Variants in NUMB observed in about 807,000 individuals in gnomAD.
NUMB encodes NUMB endocytic adaptor protein, also known as protein numb homolog.
Under a neutral mutation model 59.7 loss-of-function variants are expected in NUMB, and 29 were observed. The observed-to-expected ratio is 0.49, with a 90% CI of 0.36 to 0.66. The LOEUF is 0.66. NUMB is among the 30% of genes least tolerant of loss of function. The pLI, the probability that NUMB is intolerant of heterozygous loss-of-function variation, is 0.00. For missense variants in NUMB, 723 were observed against 822.0 expected, an observed-to-expected ratio of 0.88 and a Z score of 1.47; for synonymous variants, 288 against 288.2, an observed-to-expected ratio of 1.00 and a Z score of 0.01.
chr14:73,431,627 T>G (rs1897834380), intron 1 of NUMB, among the ~76,000 whole-genome samples: 1 of 151,054 alleles, frequency 6.6e-6, no homozygotes, highest in Non-Finnish European at 1.5e-5. Context: ...CATGTGCATG[T>G]AATCCCAGCT....
At chr14:73,299,699 C>T (rs1890020683) in intron 6 of NUMB, among the ~76,000 whole-genome samples, 2 of 151,606 alleles carry the variant, frequency 1.3e-5, no homozygotes, top group South Asian at 2.1e-4. Flanking sequence ...TAGAATGGGT[C>T]GAGAAGTAAA....
chr14:73,370,950 C>T (rs1894643756), intron 2 of NUMB, among the ~76,000 whole-genome samples: 1 of 152,046 alleles, frequency 6.6e-6, no homozygotes, highest in Non-Finnish European at 1.5e-5. Context: ...ATCTGATTTG[C>T]TTTATCATTC....
chr14:73,310,502 C>T (rs1406923486), intron 6 of NUMB, among the ~76,000 whole-genome samples: 1 of 152,130 alleles, frequency 6.6e-6, no homozygotes, highest in African/African-American at 2.4e-5. Flanking sequence ...TTAAGGCATA[C>T]CCGAGGAAAG....
chr14:73,446,449 A>G (rs1883511946), intron 1 of NUMB, among the ~76,000 whole-genome samples: 1 of 152,106 alleles, frequency 6.6e-6, no homozygotes, highest in Admixed American at 6.5e-5. Flanking sequence ...CTACTAAAAA[A>G]TACAAAAATT....
chr14:73,357,400 C>CAA (rs199955256), intron 3 of NUMB, among the ~76,000 whole-genome samples: 251 of 133,636 alleles, frequency 1.9e-3, no homozygotes, highest in Middle Eastern at 4.2e-3. Flanking sequence ...GAAACTCTGT[C>CAA]AAAAAAAAAA....
At chr14:73,352,043 A>G (rs990112570) in intron 4 of NUMB, among the ~76,000 whole-genome samples, 3 of 152,080 alleles carry the variant, frequency 2.0e-5, no homozygotes, top group Non-Finnish European at 1.5e-5. Context: ...ATTTTATGTT[A>G]TATGTACTCT....
At chr14:73,455,836 G>C (rs1884330765) in intron 1 of NUMB, among the ~76,000 whole-genome samples, 1 of 152,122 alleles carries the variant, frequency 6.6e-6, no homozygotes, top group Non-Finnish European at 1.5e-5. Flanking sequence ...ATATGTCTGT[G>C]TATACTCAGG....
chr14:73,309,918 A>AT (rs1275895766), intron 6 of NUMB, among the ~76,000 whole-genome samples: 1 of 152,074 alleles, frequency 6.6e-6, no homozygotes, highest in Admixed American at 6.6e-5. Flanking sequence ...TTAAAACAAC[A>AT]TAACAACATA....
chr14:73,340,352 A>G (rs1053767395), intron 4 of NUMB, among the ~76,000 whole-genome samples: 1 of 152,270 alleles, frequency 6.6e-6, no homozygotes, highest in Middle Eastern at 3.4e-3. Flanking sequence ...CTGATGCCCA[A>G]AAACCAACCC....
At chr14:73,424,211 G>A (rs987302536) in intron 1 of NUMB, among the ~76,000 whole-genome samples, 2 of 151,916 alleles carry the variant, frequency 1.3e-5, no homozygotes, top group African/African-American at 4.8e-5. Context: ...AAATAAAAAA[G>A]AAGAAACATT....
chr14:73,314,823 T>C (rs145049646), intron 6 of NUMB, among the ~76,000 whole-genome samples: 1 of 152,172 alleles, frequency 6.6e-6, no homozygotes, highest in East Asian at 1.9e-4. Flanking sequence ...CGATGTGTAA[T>C]TGCTTTCGGA....
chr14:73,433,072 T>C (rs1022219670), intron 1 of NUMB, among the ~76,000 whole-genome samples: 3 of 151,530 alleles, frequency 2.0e-5, no homozygotes, highest in African/African-American at 7.3e-5. Context: ...CAGGGCATGA[T>C]GGCACACGCC....
At chr14:73,291,935 C>T (rs777195172) in intron 8 of NUMB, among the ~76,000 whole-genome samples, 4 of 152,138 alleles carry the variant, frequency 2.6e-5, no homozygotes, top group Non-Finnish European at 4.4e-5. Flanking sequence ...CCGCCTGCCT[C>T]GGCCTCCTAA....
chr14:73,323,355 A>G, intron 4 of NUMB, 151 bp from the exon 5 acceptor site: 1 of 529,694 alleles, frequency 1.9e-6, no homozygotes, highest in South Asian at 2.6e-5. Context: ...AGCATGTTGG[A>G]TAAGAGACAC....
At chr14:73,376,444 T>C (rs1458707120) in intron 2 of NUMB, among the ~76,000 whole-genome samples, 1 of 151,828 alleles carries the variant, frequency 6.6e-6, no homozygotes, top group Non-Finnish European at 1.5e-5. Context: ...CTCAATACTG[T>C]CAAAATGTCA....
At chr14:73,311,044 CTATTTATT>C (rs562456821) in intron 6 of NUMB, among the ~76,000 whole-genome samples, 2 of 151,992 alleles carry the variant, frequency 1.3e-5, no homozygotes, top group Middle Eastern at 3.4e-3. Flanking sequence ...AGGCAATGAG[CTATTTATT>C]TATTTATTTA....
chr14:73,297,816 T>A (rs567276820), intron 6 of NUMB: 1 of 152,530 alleles, frequency 6.6e-6, no homozygotes, highest in South Asian at 2.1e-4. Flanking sequence ...ACAGTAAGTC[T>A]TCATTATTCT....
At chr14:73,442,828 A>G (rs989678319) in intron 1 of NUMB, among the ~76,000 whole-genome samples, 2 of 152,268 alleles carry the variant, frequency 1.3e-5, no homozygotes, top group Middle Eastern at 3.4e-3. Flanking sequence ...CCTTAGCTGT[A>G]GTGTATACAT....
At chr14:73,428,124 T>C (rs939840584) in intron 1 of NUMB, among the ~76,000 whole-genome samples, 1 of 152,174 alleles carries the variant, frequency 6.6e-6, no homozygotes, top group African/African-American at 2.4e-5. Flanking sequence ...GATGATACAA[T>C]TGAAAAGTTT....
Sources: gnomAD v4.1 joint callset for allele counts (sites outside exome capture counted in the v4.1 genomes callset) on GRCh38, gnomAD v4.1.1 for gene constraint, MANE v1.5 for transcripts, NCBI Gene and HGNC (gene_info 2026-07-23, HGNC 2026-07-21) for gene names.